Variants in SLC66A2 observed in about 807,000 individuals in gnomAD.
SLC66A2 encodes the protein PQ loop repeat containing 1.
SLC66A2 carries 23 observed loss-of-function variants against 25.5 expected under a neutral mutation model. That is an observed-to-expected ratio of 0.90 (90% confidence interval 0.65 to 1.28). The LOEUF is 1.28. Among genes scored for constraint, SLC66A2 ranks in the 50% most tolerant of loss-of-function variants. The pLI is 0.00. For missense variants in SLC66A2, 396 were observed against 373.1 expected (o/e 1.06, Z -0.51); for synonymous variants, 193 against 166.5 (o/e 1.16, Z -1.23).
intron 4 of SLC66A2, among the ~76,000 whole-genome samples, chr18:79,924,568 T>G (rs1985698135): frequency 6.6e-6 from 1 of 152,224 alleles, no homozygotes; most frequent in Admixed American, 6.5e-5. Flanking sequence ...TAAATGGTGA[T>G]AAAATTGTGA....
chr18:79,916,808 G>A (rs986970537), intron 5 of SLC66A2, among the ~76,000 whole-genome samples: 1 of 152,224 alleles, frequency 6.6e-6, no homozygotes, highest in Admixed American at 6.5e-5. Context: ...ATCAGCAACC[G>A]TGTTTCCCAG....
chr18:79,949,282 G>A (rs1163540885), intron 2 of SLC66A2, among the ~76,000 whole-genome samples: 5 of 152,158 alleles, frequency 3.3e-5, no homozygotes, highest in Non-Finnish European at 7.3e-5. Context: ...TCATGAACAC[G>A]GGACACCTCA....
At position 79,940,897 on chromosome 18, in the gene SLC66A2, G is replaced by A. The variant is rs917936440; in HGVS notation, c.337+2432C>T. ...GATGTCCCACTTGAGGTCATTTGGG[G>A]CCCAGGAGTCATGCAGCTTGGTTCT... is the stretch of plus-strand genomic sequence containing the variant. On this transcript the variant is annotated intron_variant, in intron 3 of 5. Transcript: ENST00000397778. This position sits in a 1 kb window ranked among gnomAD's most constrained non-coding sequence, Gnocchi z 4.1. 2.0e-5 allele frequency among the ~76,000 whole-genome samples: 3 copies of A among 152,098 alleles called. No homozygotes were observed. Among genetic ancestry groups the A allele is most frequent in the Non-Finnish European group, 4.4e-5 (3 of 68,020 alleles).
chr18:79,946,239 CAAAGAA>C (rs72137209), intron 2 of SLC66A2, among the ~76,000 whole-genome samples: 56,805 of 151,670 alleles, frequency 0.37, 11,170 homozygotes, highest in Middle Eastern at 0.48. Context: ...AGGGTGAAGA[CAAAGAA>C]AAACACAAAA....
At chr18:79,928,090 C>T (rs553405515) in intron 4 of SLC66A2, among the ~76,000 whole-genome samples, 5 of 152,364 alleles carry the variant, frequency 3.3e-5, no homozygotes, top group East Asian at 1.9e-4. Context: ...GGGCTGTCAC[C>T]GCGGCCAAGG....
At position 79,927,027 on chromosome 18, in the gene SLC66A2, A is replaced by C. The variant is rs1489647122; in HGVS notation, c.391+6942T>G. Among the ~76,000 whole-genome samples, 1 of 152,170 alleles carries C rather than the reference A, an allele frequency of 6.6e-6. No homozygotes were observed. Among genetic ancestry groups the C allele is most frequent in the African/African-American group, 2.4e-5 (1 of 41,440 alleles). ...ATACAAATCGACTCTCCAGGAAAAA[A>C]CAAAAAAACGAAAAAACTTCTCACT... is the stretch of plus-strand genomic sequence containing the variant. On this transcript the variant is annotated intron_variant, in intron 4 of 5. Coordinates refer to ENST00000397778, the MANE Select transcript of SLC66A2 (RefSeq NM_025078.5). The surrounding 1 kb of genome is among the most constrained non-coding windows in gnomAD (Gnocchi z 6.2).
chr18:79,913,480 C>G (rs932938813), intron 5 of SLC66A2, among the ~76,000 whole-genome samples: 1 of 152,270 alleles, frequency 6.6e-6, no homozygotes, highest in African/African-American at 2.4e-5. Context: ...TTTATCACAT[C>G]TCATTACTGG....
chr18:79,934,127 TTA>T (rs2144883650), intron 3 of SLC66A2, 105 bp from the exon 4 acceptor site: 38 of 795,986 alleles, frequency 4.8e-5, no homozygotes, highest in South Asian at 1.0e-4. Context: ...TTGCATTTCT[TTA>T]AAAAAAAAAA....
At chr18:79,930,328 A>G (rs2144859435) in intron 4 of SLC66A2, 2 of 152,350 alleles carry the variant, frequency 1.3e-5, no homozygotes, top group Middle Eastern at 3.4e-3. Flanking sequence ...AGAAAAAAAA[A>G]TCATCAACCA....
At chr18:79,950,049 T>G (rs1224961173) in intron 2 of SLC66A2, among the ~76,000 whole-genome samples, 1 of 151,790 alleles carries the variant, frequency 6.6e-6, no homozygotes, top group Non-Finnish European at 1.5e-5. Flanking sequence ...GACTTCCTAT[T>G]TAAATAAGGC....
At chr18:79,936,781 G>A (rs1599627014) in intron 3 of SLC66A2, among the ~76,000 whole-genome samples, 2 of 152,232 alleles carry the variant, frequency 1.3e-5, no homozygotes, top group East Asian at 1.9e-4. Flanking sequence ...TCCTGGTGAC[G>A]TATCATGCAG....
intron 3 of SLC66A2, among the ~76,000 whole-genome samples, chr18:79,934,361 T>C (rs950561233): frequency 6.6e-6 from 1 of 152,230 alleles, no homozygotes; most frequent in Admixed American, 6.5e-5. Flanking sequence ...GCTGTGCTGA[T>C]GGAAAGCAGC....
rs1459134949 is a variant in SLC66A2 at position 79,943,332 on chromosome 18, T to C, written c.334A>G (p.Thr112Ala). 3.7e-6 allele frequency: 6 copies of C among 1,613,890 alleles called. No individual in the cohort carries two copies. The South Asian group carries it at 6.6e-5, about 18-fold the overall frequency. The change falls in exon 3 of 6, where the codon ACA becomes GCA. Residue 112 changes from threonine to alanine, a missense_variant. Coordinates refer to ENST00000397778, the MANE Select transcript of SLC66A2 (RefSeq NM_025078.5). ...TTCCGAAGCGCCGGCCACCAACCTG[T>C]AAAGGAGCGGCGCCTGGCGTTGAGC... ...NELNARRRSF[T>A]AADSKDEEVK...
chr18:79,911,615 G>T (rs766301282), intron 5 of SLC66A2, among the ~76,000 whole-genome samples: 1 of 152,234 alleles, frequency 6.6e-6, no homozygotes, highest in Non-Finnish European at 1.5e-5. Flanking sequence ...TGCTGGCTGC[G>T]GGGACATTCC....
rs543889754 is a variant in SLC66A2 at position 79,941,198 on chromosome 18, C to T, written c.337+2131G>A. Among the ~76,000 whole-genome samples, 2 of 152,358 alleles carry T rather than the reference C, an allele frequency of 1.3e-5. No individual in the cohort carries two copies. Among genetic ancestry groups the T allele is most frequent in the South Asian group, 4.1e-4 (2 of 4,834 alleles). ...CCATTCAAGTACAGGCAGAACTCAG[C>T]TCCCCGTGGTCGGGGGCTCTGCTGC... On this transcript the variant is annotated intron_variant, in intron 3 of 5. Coordinates refer to ENST00000397778, the MANE Select transcript of SLC66A2 (RefSeq NM_025078.5). This position sits in a 1 kb window ranked among gnomAD's most constrained non-coding sequence, Gnocchi z 4.1.
chr18:79,925,732 G>A (rs1046170088), intron 4 of SLC66A2, among the ~76,000 whole-genome samples: 11 of 152,222 alleles, frequency 7.2e-5, no homozygotes, highest in East Asian at 3.9e-4. Context: ...AGGAAGATCC[G>A]ATTTCTCATC....
Position 79,917,263 on chromosome 18 carries a change from A to G in SLC66A2, c.608+1921T>C, listed in dbSNP as rs1358889611. Among the ~76,000 whole-genome samples the G allele has an allele frequency of 1.3e-5, 2 of 152,228 alleles. No individual in the cohort carries two copies. On this transcript the variant is annotated intron_variant, in intron 5 of 5. Coordinates refer to ENST00000397778, the MANE Select transcript of SLC66A2 (RefSeq NM_025078.5). The surrounding 1 kb of genome is among the most constrained non-coding windows in gnomAD (Gnocchi z 6.0). ...AGCTGACGGGGCAGCCCCTGGGCTG[A>G]GACCTTGAACAACATGCCTGCGCTG...
chr18:79,934,868 C>T (rs576343115), intron 3 of SLC66A2, among the ~76,000 whole-genome samples: 37 of 152,324 alleles, frequency 2.4e-4, no homozygotes, highest in Admixed American at 2.2e-3. Flanking sequence ...AAAGCAAATA[C>T]GAGGTGACCT....
rs773837617 is a variant in SLC66A2 at position 79,940,183 on chromosome 18, G to C, written c.337+3146C>G. On this transcript the variant is annotated intron_variant, in intron 3 of 5. Transcript: ENST00000397778. This position sits in a 1 kb window ranked among gnomAD's most constrained non-coding sequence, Gnocchi z 4.1. ...CGTGTAAGTGGGAGCTAAATGATGA[G>C]AACACATGGACACACAGAGGGGAAC... Among the ~76,000 whole-genome samples, 1 of 152,180 alleles carries C rather than the reference G, an allele frequency of 6.6e-6. No homozygotes were observed. Among genetic ancestry groups the C allele is most frequent in the East Asian group, 1.9e-4 (1 of 5,202 alleles).
Sources: allele counts gnomAD v4.1 joint callset (sites outside exome capture counted in the v4.1 genomes callset), GRCh38; gene constraint gnomAD v4.1.1; non-coding constraint Gnocchi (gnomAD v3.1); transcripts MANE v1.5; gene names NCBI Gene and HGNC (gene_info 2026-07-23, HGNC 2026-07-21).